MARCHF1: variants seen among roughly 807,000 people sequenced by gnomAD.
MARCHF1 encodes membrane associated ring-CH-type finger 1, also known as E3 ubiquitin-protein ligase MARCHF1.
MARCHF1 carries 40 observed loss-of-function variants against 54.2 expected under a neutral mutation model. The ratio of observed to expected loss-of-function variants is 0.74; its 90% CI spans 0.57 to 0.96. MARCHF1 has a LOEUF of 0.96. Ranked by LOEUF, MARCHF1 falls within the 40% of genes least tolerant of loss-of-function variation. The pLI is 0.00. For synonymous variants in MARCHF1, 236 were observed against 236.3 expected, an observed-to-expected ratio of 1.00 and a Z score of 0.01; for missense variants, 586 against 656.5, an observed-to-expected ratio of 0.89 and a Z score of 1.17.
intron 4 of MARCHF1, 22 bp downstream of exon 4, chr4:163,853,999 G>A (rs1749703835): frequency 2.0e-6 from 3 of 1,534,012 alleles, no homozygotes; most frequent in Admixed American, 2.0e-5. Context: ...GCCAATTTGA[G>A]GTAAAGTAAC....
intron 5 of MARCHF1, among the ~76,000 whole-genome samples, chr4:163,692,601 G>GCAGC: frequency 1.4e-5 from 2 of 143,142 alleles, no homozygotes; most frequent in African/African-American, 2.6e-5. Context: ...GCCCCTGAAA[G>GCAGC]AATTTATGTT....
chr4:164,260,575 C>T, intron 1 of MARCHF1, among the ~76,000 whole-genome samples: 1 of 152,116 alleles, frequency 6.6e-6, no homozygotes, highest in Admixed American at 6.6e-5. Flanking sequence ...CCAAACATGA[C>T]ACACAGCTGA....
chr4:164,366,613 T>C (rs1054010341), intron 1 of MARCHF1, among the ~76,000 whole-genome samples: 3 of 151,930 alleles, frequency 2.0e-5, no homozygotes, highest in Non-Finnish European at 4.4e-5. Flanking sequence ...AATATATTTT[T>C]GATAAAGGAA....
At chr4:164,062,518 T>A (rs1482784010) in intron 2 of MARCHF1, among the ~76,000 whole-genome samples, 1 of 152,042 alleles carries the variant, frequency 6.6e-6, no homozygotes, top group Non-Finnish European at 1.5e-5. Context: ...TTTCTTTTAG[T>A]TGTTATTTAT....
intron 3 of MARCHF1, among the ~76,000 whole-genome samples, chr4:163,892,622 TAAAAAA>T (rs1041608656): frequency 1.3e-5 from 2 of 149,794 alleles, no homozygotes; most frequent in African/African-American, 2.4e-5. Flanking sequence ...AATAAAAAAA[TAAAAAA>T]AATTAAAAAA....
At chr4:163,940,294 C>A (rs559139502) in intron 3 of MARCHF1, among the ~76,000 whole-genome samples, 1 of 152,244 alleles carries the variant, frequency 6.6e-6, no homozygotes, top group African/African-American at 2.4e-5. Context: ...TTCAAGCCAC[C>A]TGTTCATGCA....
chr4:164,378,177 G>A (rs1037553080), intron 1 of MARCHF1, among the ~76,000 whole-genome samples: 1 of 152,186 alleles, frequency 6.6e-6, no homozygotes, highest in African/African-American at 2.4e-5. Context: ...GATGAAGAGT[G>A]GGGGCAATTG....
At chr4:164,308,395 T>A (rs1318034205) in intron 1 of MARCHF1, among the ~76,000 whole-genome samples, 1 of 152,176 alleles carries the variant, frequency 6.6e-6, no homozygotes, top group East Asian at 1.9e-4. Context: ...CTGATAATAA[T>A]CATATTGTTG....
chr4:163,545,245 A>G (rs1192953344), intron 9 of MARCHF1, among the ~76,000 whole-genome samples: 1 of 152,208 alleles, frequency 6.6e-6, no homozygotes, highest in Non-Finnish European at 1.5e-5. Flanking sequence ...AATTAAATAA[A>G]ATGAGAAACC....
At chr4:164,012,953 GT>G (rs1349890417) in intron 2 of MARCHF1, among the ~76,000 whole-genome samples, 1 of 152,162 alleles carries the variant, frequency 6.6e-6, no homozygotes, top group Non-Finnish European at 1.5e-5. Context: ...GTGAAGATTA[GT>G]TTAAATATAT....
intron 1 of MARCHF1, among the ~76,000 whole-genome samples, chr4:164,348,867 G>C (rs1730196562): frequency 6.6e-6 from 1 of 152,098 alleles, no homozygotes; most frequent in South Asian, 2.1e-4. Context: ...TCCAGATACA[G>C]AAGATACCAC....
intron 5 of MARCHF1, among the ~76,000 whole-genome samples, chr4:163,674,339 A>G (rs1417303942): frequency 1.3e-5 from 2 of 152,340 alleles, no homozygotes; most frequent in South Asian, 2.1e-4. Flanking sequence ...ACAAATTTTA[A>G]AAAAAGAAAA....
At chr4:164,050,542 C>T (rs1483489669) in intron 2 of MARCHF1, among the ~76,000 whole-genome samples, 2 of 152,132 alleles carry the variant, frequency 1.3e-5, no homozygotes, top group Non-Finnish European at 1.5e-5. Context: ...ATTACTAGAA[C>T]AGTCCTCTAA....
intron 1 of MARCHF1, among the ~76,000 whole-genome samples, chr4:164,133,802 C>T (rs572014553): frequency 1.3e-5 from 2 of 152,174 alleles, no homozygotes; most frequent in East Asian, 3.9e-4. Context: ...CTAGTGGTCC[C>T]ATTAACCCAG....
chr4:163,662,400 T>C (rs1019719558), intron 5 of MARCHF1, among the ~76,000 whole-genome samples: 7 of 152,010 alleles, frequency 4.6e-5, no homozygotes, highest in African/African-American at 1.7e-4. Context: ...TAACTCTTTC[T>C]CTTCTGTTTT....
At position 163,733,205 on chromosome 4, in the gene MARCHF1, A is replaced by G. The variant is rs1398654783; in HGVS notation, c.112-32342T>C. Among the ~76,000 whole-genome samples, 84 of 33,230 alleles carry G rather than the reference A, an allele frequency of 2.5e-3. 4 individuals are homozygous for G. Among genetic ancestry groups the G allele is most frequent in the African/African-American group, 4.8e-3 (75 of 15,572 alleles). The allele number at this position is 33,230 out of a possible 152,430, so 21.8% of individuals were successfully genotyped here. On this transcript the variant is annotated intron_variant, in intron 4 of 9. Transcript: ENST00000514618. Reference sequence around the variant, plus strand: ...TATATATATATATATATATATATATATATATATATATATATACACGTGTAT... The same window carrying G: ...TATATATATATATATATATATATATGTATATATATATATATACACGTGTAT...
chr4:163,699,828 CG>C (rs916025095), intron 5 of MARCHF1, among the ~76,000 whole-genome samples: 2 of 151,878 alleles, frequency 1.3e-5, no homozygotes, highest in African/African-American at 4.8e-5. Flanking sequence ...TATCACATGG[CG>C]ACTCATTTTA....
At chr4:163,835,365 G>T (rs1749152342) in intron 4 of MARCHF1, among the ~76,000 whole-genome samples, 1 of 152,148 alleles carries the variant, frequency 6.6e-6, no homozygotes, top group Non-Finnish European at 1.5e-5. Flanking sequence ...ATCAAGTTTA[G>T]CCTAAAGCTG....
At chr4:163,624,298 G>T (rs1367128507) in intron 5 of MARCHF1, among the ~76,000 whole-genome samples, 1 of 152,108 alleles carries the variant, frequency 6.6e-6, no homozygotes, top group Non-Finnish European at 1.5e-5. Flanking sequence ...CCTCAACCAA[G>T]AGAGATCAGG....
Sources: gnomAD v4.1 joint callset for allele counts (sites outside exome capture counted in the v4.1 genomes callset) on GRCh38, gnomAD v4.1.1 for gene constraint, MANE v1.5 for transcripts, NCBI Gene and HGNC (gene_info 2026-07-23, HGNC 2026-07-21) for gene names.